Variants in IL17REL observed in about 807,000 individuals in gnomAD.
IL17REL encodes interleukin 17 receptor E like, also known as interleukin-17 receptor E-like protein.
In IL17REL, 36 loss-of-function variants were observed where a neutral mutation model predicts 49.0. That is an observed-to-expected ratio of 0.73 (90% CI 0.56 to 0.97). The LOEUF (loss-of-function observed/expected upper bound fraction) is 0.97. Ranked by LOEUF, IL17REL falls within the 50% of genes least tolerant of loss-of-function variation. The pLI is 0.00. For synonymous variants in IL17REL, 206 were observed against 192.4 expected (o/e 1.07, Z -0.58); for missense variants, 470 against 453.9 (o/e 1.04, Z -0.32).
exon 3 of IL17REL, chr22:50,000,780 A>G (rs1384458026): frequency 6.3e-7 from 1 of 1,597,800 alleles, no homozygotes; most frequent in South Asian, 1.1e-5. Flanking sequence ...TGCCGGTGGG[A>G]GGCCCTGGCC....
At chr22:49,993,451 G>C (rs1284376672), downstream of IL17REL, among the ~76,000 whole-genome samples, 2 of 152,164 alleles carry the variant, frequency 1.3e-5, no homozygotes, top group Non-Finnish European at 2.9e-5. The surrounding 1 kb of genome is among the most constrained non-coding windows in gnomAD (Gnocchi z 6.0). Flanking sequence ...AGCGTCCCTG[G>C]CCAAGGAGGC....
chr22:49,999,928 G>A, exon 5 of IL17REL: 2 of 1,534,414 alleles, frequency 1.3e-6, no homozygotes, highest in Non-Finnish European at 1.8e-6. Flanking sequence ...CACCAGAATC[G>A]CCTTGCGCCT....
upstream of IL17REL, among the ~76,000 whole-genome samples, chr22:50,010,593 G>C (rs537254838): frequency 5.6e-4 from 86 of 152,360 alleles, 1 homozygote; most frequent in East Asian, 0.015. Flanking sequence ...CCCGCTGGGG[G>C]CTCGGAGGCC....
chr22:49,994,305 C>T (rs1025380335), downstream of IL17REL, among the ~76,000 whole-genome samples: 8 of 80,066 alleles, frequency 1.0e-4, no homozygotes, highest in South Asian at 3.2e-3. Flanking sequence ...TGTCTGGTCA[C>T]ACCATGTGAC....
chr22:50,010,586 G>T (rs1208775441), upstream of IL17REL, among the ~76,000 whole-genome samples: 2 of 152,236 alleles, frequency 1.3e-5, no homozygotes, highest in South Asian at 4.1e-4. Context: ...AAGAATCCCC[G>T]CTGGGGGCTC....
chr22:50,006,028 G>A (rs2061108475), intron 1 of IL17REL, among the ~76,000 whole-genome samples: 2 of 151,924 alleles, frequency 1.3e-5, no homozygotes, highest in Non-Finnish European at 2.9e-5. Flanking sequence ...GGAAAGCAGG[G>A]CGTAGGAGGT....
downstream of IL17REL, among the ~76,000 whole-genome samples, chr22:49,994,344 C>T (rs926947017): frequency 1.1e-4 from 16 of 152,066 alleles, no homozygotes; most frequent in African/African-American, 3.6e-4. Flanking sequence ...CCCAGAGACC[C>T]GGCACCTCCC....
At chr22:49,992,319 C>T (rs374829831), downstream of IL17REL, among the ~76,000 whole-genome samples, 2 of 152,238 alleles carry the variant, frequency 1.3e-5, no homozygotes, top group Non-Finnish European at 2.9e-5. Flanking sequence ...GCTGCTCTTC[C>T]GTGAGGCAGT....
intron 5 of IL17REL, 75 bp from the exon 8 acceptor site, chr22:49,999,577 G>T: frequency 1.9e-6 from 2 of 1,044,786 alleles, no homozygotes; most frequent in East Asian, 3.2e-5. Flanking sequence ...GACCTGCACC[G>T]AACGGGGCGG....
At chr22:50,003,841 C>T (rs937214655) in intron 1 of IL17REL, among the ~76,000 whole-genome samples, 2 of 152,126 alleles carry the variant, frequency 1.3e-5, no homozygotes, top group African/African-American at 2.4e-5. Context: ...CTTCTCACTT[C>T]GACTCAATAC....
At chr22:50,000,513 C>T in exon 4 of IL17REL, 1 of 1,613,616 alleles carries the variant, frequency 6.2e-7, no homozygotes, top group Non-Finnish European at 8.5e-7. Flanking sequence ...CTGGACCCCG[C>T]AGAAATGAGG....
In IL17REL at chr22:50,000,789, C is replaced by A; in HGVS notation, c.184G>T (p.Ala62Ser). The A allele has an allele frequency of 6.3e-7, 1 of 1,599,270 alleles. No individual in the cohort carries two copies. The highest frequency in any genetic ancestry group is 8.5e-7 in the Non-Finnish European group (1 of 1,175,010). The change falls in exon 3 of 13, where the codon GCC (alanine) becomes TCC (serine). Residue 62 changes from alanine to serine, a missense_variant. Physicochemically the swap from Ala to Ser is moderately conservative, Grantham distance 99. Transcript: ENST00000341280. ...CCCTGCTGCCGGTGGGAGGCCCTGGCCACCCACACGCTCTGACACTGCGTC... is the reference window on the plus strand; with the variant it reads ...CCCTGCTGCCGGTGGGAGGCCCTGGACACCCACACGCTCTGACACTGCGTC...
chr22:50,010,277 C>A (rs923566363), upstream of IL17REL, among the ~76,000 whole-genome samples: 1 of 152,208 alleles, frequency 6.6e-6, no homozygotes, highest in Non-Finnish European at 1.5e-5. Context: ...GAGGGGCCGG[C>A]GGAGCTGACC....
intron 4 of IL17REL, 103 bp from the exon 6 acceptor site, chr22:50,000,343 C>T: frequency 1.4e-6 from 1 of 716,572 alleles, no homozygotes. Flanking sequence ...TGTCATGCGA[C>T]CTCGAATTAA....
chr22:50,000,994 C>T, intron 2 of IL17REL, 88 bp downstream of exon 3: 1 of 1,282,872 alleles, frequency 7.8e-7, no homozygotes, highest in Admixed American at 2.3e-5. Context: ...CCTCACCAGG[C>T]CGCCCAAGGT....
At chr22:50,008,148 C>G (rs78199392) in intron 1 of IL17REL, among the ~76,000 whole-genome samples, 173 of 152,268 alleles carry the variant, frequency 1.1e-3, no homozygotes, top group African/African-American at 4.0e-3. Flanking sequence ...CAATGTTTGC[C>G]TAGGTAAACA....
chr22:49,996,724 G>A, exon 13 of IL17REL: 1 of 401,176 alleles, frequency 2.5e-6, no homozygotes, highest in Admixed American at 4.3e-5. Context: ...CCTGTTCAGT[G>A]CACGCCACGC....
At chr22:50,003,140 A>G (rs576217235) in intron 1 of IL17REL, among the ~76,000 whole-genome samples, 1 of 152,264 alleles carries the variant, frequency 6.6e-6, no homozygotes, top group Admixed American at 6.5e-5. Context: ...AGCTCTGGAG[A>G]ATATCCACTT....
upstream of IL17REL, among the ~76,000 whole-genome samples, chr22:50,010,585 C>T (rs146606880): frequency 0.012 from 1,787 of 152,352 alleles, 17 homozygotes; most frequent in Non-Finnish European, 0.017. Context: ...AAAGAATCCC[C>T]GCTGGGGGCT....
Sources: gnomAD v4.1 joint callset for allele counts (sites outside exome capture counted in the v4.1 genomes callset) on GRCh38, gnomAD v4.1.1 for gene constraint, Gnocchi (gnomAD v3.1) non-coding constraint, MANE v1.5 for transcripts, NCBI Gene and HGNC (gene_info 2026-07-23, HGNC 2026-07-21) for gene names.